Variants in NFIC observed in about 807,000 individuals in gnomAD.
The protein encoded by NFIC is nuclear factor I C.
Under a neutral mutation model 54.4 loss-of-function variants are expected in NFIC, and 12 were observed. The ratio of observed to expected loss-of-function variants is 0.22; its 90% CI spans 0.14 to 0.36. NFIC has a LOEUF of 0.36. Among genes scored for constraint, NFIC ranks in the 10% least tolerant of loss-of-function variants. The probability of loss-of-function intolerance (pLI) is 1.00; values close to 1 mark genes in which losing one functional copy is unlikely to be tolerated. For synonymous variants in NFIC, 322 were observed against 319.2 expected (o/e 1.01, Z -0.09); for missense variants, 575 against 718.2 (o/e 0.80, Z 2.28).
Position 3,452,773 on chromosome 19 carries a change from G to A in NFIC, c.1269+107G>A. 1.5e-6 allele frequency: 2 copies of A among 1,373,030 alleles called. No individual in the cohort carries two copies. Among genetic ancestry groups the A allele is most frequent in the Non-Finnish European group, 2.0e-6 (2 of 1,020,696 alleles). 85.1% of individuals were successfully genotyped at this position (1,373,030 alleles called of 1,614,324 possible). A position where few individuals can be genotyped will look rare whatever the true frequency, so the allele number is the denominator to read the frequency against. ...AACCTCTGCTTAAAAGGGTCTTGAG[G>A]ACTTGGCTCTGAAGTCCCCTCCTCT... On this transcript the variant is annotated intron_variant, in intron 8 of 10. Transcript: ENST00000443272. The surrounding 1 kb of genome is among the most constrained non-coding windows in gnomAD (Gnocchi z 5.3).
At chr19:3,440,080 C>A (rs1324875584) in intron 6 of NFIC, among the ~76,000 whole-genome samples, 1 of 152,116 alleles carries the variant, frequency 6.6e-6, no homozygotes, top group Non-Finnish European at 1.5e-5. Flanking sequence ...ATTATTAATT[C>A]GCGGCTAAGC....
intron 2 of NFIC, among the ~76,000 whole-genome samples, chr19:3,386,229 A>G (rs1038989360): frequency 6.6e-6 from 1 of 151,568 alleles, no homozygotes; most frequent in African/African-American, 2.4e-5. Context: ...TCTACCAAAT[A>G]TACAAAAAAT....
chr19:3,420,166 C>G (rs2081930799), intron 2 of NFIC, among the ~76,000 whole-genome samples: 1 of 151,986 alleles, frequency 6.6e-6, no homozygotes, highest in African/African-American at 2.4e-5. Context: ...ACAAATAATA[C>G]AAAAATTAGC....
chr19:3,444,425 G>C (rs2082340118), intron 6 of NFIC, among the ~76,000 whole-genome samples: 1 of 152,258 alleles, frequency 6.6e-6, no homozygotes, highest in South Asian at 2.1e-4. Flanking sequence ...AGATGGGCGG[G>C]GGACGCACAT....
intron 2 of NFIC, among the ~76,000 whole-genome samples, chr19:3,414,592 CTAAAATAAAA>C (rs150304662): frequency 0.11 from 13,906 of 131,544 alleles, 1,548 homozygotes; most frequent in African/African-American, 0.29. Flanking sequence ...GAGACTGCAT[CTAAAATAAAA>C]TAAAATAAAA....
At position 3,464,425 on chromosome 19, in the gene NFIC, ACCT is replaced by A. The variant is rs1286268582; in HGVS notation, c.*1659_*1661del. The A allele has an allele frequency of 1.0e-6, 1 of 965,950 alleles. No homozygotes were observed. The highest frequency in any genetic ancestry group is 1.2e-6 in the Non-Finnish European group (1 of 823,540). 59.8% of individuals were successfully genotyped at this position (965,950 alleles called of 1,614,324 possible). A position where few individuals can be genotyped will look rare whatever the true frequency, so the allele number is the denominator to read the frequency against. ...ACCCCGGCTCCCTGGCCCTATCCAC[ACCT>A]CCACCCCCACCCCAGGATCGCCATC... is the stretch of plus-strand genomic sequence containing the variant. On this transcript the variant is annotated 3_prime_UTR_variant, in exon 11 of 11. Transcript: ENST00000443272.
chr19:3,366,520 C>CGCCG, upstream of NFIC: 1 of 476,854 alleles, frequency 2.1e-6, no homozygotes, highest in Non-Finnish European at 3.3e-6. Flanking sequence ...GAGGAGAGCG[C>CGCCG]GCCGGCCGCG....
intron 1 of NFIC, among the ~76,000 whole-genome samples, chr19:3,376,203 G>A (rs2081104146): frequency 6.6e-6 from 1 of 151,998 alleles, no homozygotes. Flanking sequence ...GCCGAGGCGG[G>A]AGGATCGCTT....
chr19:3,360,844 G>T (rs2080801787), intron 1 of NFIC, among the ~76,000 whole-genome samples: 1 of 152,112 alleles, frequency 6.6e-6, no homozygotes. Context: ...GTGGCGGTTG[G>T]GGGGGGTCGC....
chr19:3,448,477 G>T (rs373894671), intron 6 of NFIC, among the ~76,000 whole-genome samples: 1 of 152,164 alleles, frequency 6.6e-6, no homozygotes, highest in African/African-American at 2.4e-5. Context: ...AGGTAGTGAG[G>T]CCCCTGTCTG....
chr19:3,372,717 G>T (rs561551964), intron 1 of NFIC, among the ~76,000 whole-genome samples: 3 of 150,326 alleles, frequency 2.0e-5, no homozygotes, highest in Non-Finnish European at 3.0e-5. Flanking sequence ...TGGGGTGGGG[G>T]GGTGCCAGGA....
At chr19:3,390,236 G>T (rs1323754192) in intron 2 of NFIC, among the ~76,000 whole-genome samples, 2 of 152,260 alleles carry the variant, frequency 1.3e-5, no homozygotes, top group Non-Finnish European at 2.9e-5. Context: ...TTATCCCCCA[G>T]GGCTGGGCAG....
Position 3,462,739 on chromosome 19 carries a change from CT to C in NFIC, c.1510-12del. The C allele has an allele frequency of 6.2e-7, 1 of 1,613,830 alleles. No individual in the cohort carries two copies. The highest frequency in any genetic ancestry group is 8.5e-7 in the Non-Finnish European group (1 of 1,179,950). On this transcript the variant is annotated splice_polypyrimidine_tract_variant and intron_variant, in intron 10 of 10. Coordinates refer to ENST00000443272, the MANE Select transcript of NFIC (RefSeq NM_001245002.2). ...TTCTCTCTCCCTCTTTCTGTCGCCA[CT>C]GGGCCACTCAGTCCTGGTATCTGGG...
upstream of NFIC, among the ~76,000 whole-genome samples, chr19:3,364,442 G>T (rs1568392859): frequency 6.6e-6 from 1 of 152,138 alleles, no homozygotes; most frequent in Non-Finnish European, 1.5e-5. Context: ...GCGAGCCCAC[G>T]CGGCAATTTA....
At chr19:3,418,726 C>T (rs773842302) in intron 2 of NFIC, among the ~76,000 whole-genome samples, 1 of 152,070 alleles carries the variant, frequency 6.6e-6, no homozygotes, top group African/African-American at 2.4e-5. Flanking sequence ...GTGGCAGGAG[C>T]CTGTAGTCCC....
At chr19:3,406,681 C>T (rs932556592) in intron 2 of NFIC, among the ~76,000 whole-genome samples, 7 of 151,040 alleles carry the variant, frequency 4.6e-5, no homozygotes, top group Admixed American at 2.0e-4. Flanking sequence ...GGCAGAGGCT[C>T]AGGAAATGCA....
Position 3,463,217 on chromosome 19 carries a change from G to A in NFIC, c.*448G>A, listed in dbSNP as rs1373509647. 2.0e-6 allele frequency: 2 copies of A among 1,003,438 alleles called. No homozygotes were observed. The highest frequency in any genetic ancestry group is 2.4e-6 in the Non-Finnish European group (2 of 842,578). 62.2% of individuals were successfully genotyped at this position (1,003,438 alleles called of 1,614,324 possible). A position where few individuals can be genotyped will look rare whatever the true frequency, so the allele number is the denominator to read the frequency against. ...CCGGAGACCAGGTGAGCACAGCCTG[G>A]AGCCTGTGCCCAGGGCCGACAGGCG... On this transcript the variant is annotated 3_prime_UTR_variant, in exon 11 of 11. Coordinates refer to ENST00000443272, the MANE Select transcript of NFIC (RefSeq NM_001245002.2).
chr19:3,453,757 C>T lies in NFIC; in HGVS notation c.1270-6C>T, dbSNP rs1236900653. The T allele has an allele frequency of 6.3e-7, 1 of 1,599,540 alleles. No individual in the cohort carries two copies. Among genetic ancestry groups the T allele is most frequent in the African/African-American group, 1.4e-5 (1 of 73,560 alleles). ...CCCTTAACCACGTGTCTCTCTGTTC[C>T]CCCAGTTAAATGGAAGTGGTCAGCT... On this transcript the variant is annotated splice_polypyrimidine_tract_variant and splice_region_variant and intron_variant, in intron 8 of 10. Transcript: ENST00000443272. This position sits in a 1 kb window ranked among gnomAD's most constrained non-coding sequence, Gnocchi z 6.7.
At position 3,464,180 on chromosome 19, in the gene NFIC, G is replaced by A. The variant is rs1051812266; in HGVS notation, c.*1411G>A. The A allele has an allele frequency of 3.7e-5, 36 of 985,214 alleles. No individual in the cohort carries two copies. The highest frequency in any genetic ancestry group is 5.2e-5 in the African/African-American group (3 of 57,216). The allele number at this position is 985,214 out of a possible 1,614,324, so 61.0% of individuals were successfully genotyped here. A position where few individuals can be genotyped will look rare whatever the true frequency, so the allele number is the denominator to read the frequency against. ...CGTTTGCACTTTCATCGCCTACCCC[G>A]ACGCGGGGCCCAGCTGCGGGACGTG... On this transcript the variant is annotated 3_prime_UTR_variant, in exon 11 of 11. Transcript: ENST00000443272.
Sources: gnomAD v4.1 joint callset for allele counts (sites outside exome capture counted in the v4.1 genomes callset) on GRCh38, gnomAD v4.1.1 for gene constraint, Gnocchi (gnomAD v3.1) non-coding constraint, MANE v1.5 for transcripts, NCBI Gene and HGNC (gene_info 2026-07-23, HGNC 2026-07-21) for gene names.